Variants in RBMS2 observed in about 807,000 individuals in gnomAD.
RBMS2 encodes RNA-binding motif, single-stranded-interacting protein 2.
A neutral mutation model predicts 58.4 loss-of-function variants in RBMS2; 38 were observed. The observed-to-expected ratio is 0.65, with a 90% CI of 0.50 to 0.85. The LOEUF is 0.85. RBMS2 is among the 40% of genes least tolerant of loss of function. The pLI is 0.00. For synonymous variants in RBMS2, 151 were observed against 180.7 expected, an observed-to-expected ratio of 0.84 and a Z score of 1.32; for missense variants, 367 against 503.7, an observed-to-expected ratio of 0.73 and a Z score of 2.60.
intron 1 of RBMS2, among the ~76,000 whole-genome samples, chr12:56,560,809 T>A (rs913503457): frequency 6.6e-6 from 1 of 152,184 alleles, no homozygotes; most frequent in South Asian, 2.1e-4. Context: ...AGGTTTGTTA[T>A]ACAGGTAATC....
chr12:56,566,362 T>A (rs907382755), intron 2 of RBMS2, among the ~76,000 whole-genome samples: 1 of 152,204 alleles, frequency 6.6e-6, no homozygotes, highest in African/African-American at 2.4e-5. Context: ...GTGATTTCTG[T>A]TCTGTCTCTT....
intron 1 of RBMS2, among the ~76,000 whole-genome samples, chr12:56,532,881 C>A (rs34900037): frequency 6.6e-6 from 1 of 151,852 alleles, no homozygotes; most frequent in Non-Finnish European, 1.5e-5. Flanking sequence ...TCTTCTAGAG[C>A]TAACCACTGT....
chr12:56,582,383 T>C (rs1237572043), intron 9 of RBMS2, among the ~76,000 whole-genome samples: 1 of 152,226 alleles, frequency 6.6e-6, no homozygotes, highest in African/African-American at 2.4e-5. Context: ...AAACTCATGT[T>C]AATGTCCTAC....
At chr12:56,543,294 C>T (rs1196823367) in intron 1 of RBMS2, among the ~76,000 whole-genome samples, 2 of 151,450 alleles carry the variant, frequency 1.3e-5, no homozygotes, top group East Asian at 4.1e-4. Context: ...ACCAGCCTGG[C>T]CAACATGGTG....
intron 12 of RBMS2, 24 bp downstream of exon 12, chr12:56,588,398 G>A (rs781773700): frequency 1.3e-6 from 2 of 1,588,534 alleles, no homozygotes; most frequent in East Asian, 4.5e-5. Flanking sequence ...CATTTCTTTG[G>A]ATTGAGATTA....
At position 56,522,028 on chromosome 12, in the gene RBMS2, T is replaced by C. The variant is rs1331064940; in HGVS notation, c.5T>C (p.Leu2Pro). M[L>P]LSVTSRPGIS... ...TTCCCTAACATTAAAGAGAAAATGC[T>C]GCTATCCGTGACTTCCAGGCCCGGG... is the stretch of plus-strand genomic sequence containing the variant. The change falls in exon 1 of 14, where the codon CTG becomes CCG. Residue 2 changes from leucine to proline, a missense_variant. Physicochemically the swap from Leu to Pro is moderately conservative, Grantham distance 98 (BLOSUM62 -3). This residue lies in a region of RBMS2 where 93 missense variants were observed against 132.2 expected (regional missense o/e 0.70). Coordinates refer to ENST00000262031, the MANE Select transcript of RBMS2 (RefSeq NM_002898.4). 3 of 1,488,846 alleles carry C rather than the reference T, an allele frequency of 2.0e-6. No individual in the cohort carries two copies. Among genetic ancestry groups the C allele is most frequent in the Non-Finnish European group, 2.7e-6 (3 of 1,093,040 alleles). The allele number at this position is 1,488,846 out of a possible 1,614,324, so 92.2% of individuals were successfully genotyped here.
intron 1 of RBMS2, among the ~76,000 whole-genome samples, chr12:56,538,813 A>G (rs1875509915): frequency 1.3e-5 from 2 of 152,068 alleles, no homozygotes; most frequent in Admixed American, 6.6e-5. Context: ...CTTCCAATCC[A>G]TGAGCATGGA....
intron 1 of RBMS2, among the ~76,000 whole-genome samples, chr12:56,537,560 A>G (rs1875146335): frequency 6.6e-6 from 1 of 152,214 alleles, no homozygotes; most frequent in South Asian, 2.1e-4. Flanking sequence ...TTGTATGTAC[A>G]ACATATAGCA....
Position 56,587,580 on chromosome 12 carries a change from C to T in RBMS2, c.978C>T (p.Asp326=), listed in dbSNP as rs138732389. The change falls in exon 11 of 14, where the codon GAC becomes GAT. Residue 326 remains aspartate (D), a synonymous_variant. Transcript: ENST00000262031. ...PSGSVLTPGM[D]HPISLQPASM... is the part of the protein sequence containing the mutation. ...GTTCAGTTCTGACACCAGGGATGGA[C>T]CATCCCATTTCTCTCCAGCCTGCCT... is the stretch of plus-strand genomic sequence containing the variant. The T allele has an allele frequency of 5.1e-5, 83 of 1,613,898 alleles. No homozygotes were observed. Among genetic ancestry groups the T allele is most frequent in the Non-Finnish European group, 6.9e-5 (81 of 1,179,928 alleles).
At chr12:56,557,980 C>G (rs1383416201) in intron 1 of RBMS2, among the ~76,000 whole-genome samples, 1 of 145,834 alleles carries the variant, frequency 6.9e-6, no homozygotes, top group East Asian at 2.1e-4. Context: ...TCAAGTGGAT[C>G]CACCCGCCTC....
chr12:56,581,665 G>A, intron 7 of RBMS2, 157 bp downstream of exon 7: 1 of 1,128,918 alleles, frequency 8.9e-7, no homozygotes, highest in African/African-American at 1.5e-5. Flanking sequence ...TTGTTCTCGA[G>A]TGTGGCTTTG....
chr12:56,536,300 T>C (rs1874816296), intron 1 of RBMS2, among the ~76,000 whole-genome samples: 2 of 151,876 alleles, frequency 1.3e-5, no homozygotes, highest in Admixed American at 1.3e-4. Context: ...AATTTTTGTA[T>C]TTTTGTAGTG....
intron 9 of RBMS2, among the ~76,000 whole-genome samples, chr12:56,584,357 C>T (rs999257537): frequency 1.3e-5 from 2 of 150,034 alleles, no homozygotes; most frequent in East Asian, 1.9e-4. Context: ...TGCTTGAGCC[C>T]GGAGATTGAG....
intron 1 of RBMS2, among the ~76,000 whole-genome samples, chr12:56,522,935 T>C (rs1350972030): frequency 2.0e-5 from 3 of 152,128 alleles, no homozygotes; most frequent in Non-Finnish European, 4.4e-5. Flanking sequence ...TACCCTCTCT[T>C]TGTGTTGTAG....
In RBMS2 at chr12:56,594,351, A is replaced by G. The variant is rs1305726073; in HGVS notation, c.*5218A>G. On this transcript the variant is annotated 3_prime_UTR_variant, in exon 14 of 14. Transcript: ENST00000262031. ...GGCTTTGCATTCTTAGCCAAGGGCA[A>G]TAAACTGGGTGGGTGATCTGGCCCA... 2 of 152,242 alleles carry G rather than the reference A, an allele frequency of 1.3e-5. No homozygotes were observed. The highest frequency in any genetic ancestry group is 4.8e-5 in the African/African-American group (2 of 41,480). 9.4% of individuals were successfully genotyped at this position (152,242 alleles called of 1,614,324 possible).
At position 56,582,538 on chromosome 12, in the gene RBMS2, C is replaced by G. The variant is rs143505898; in HGVS notation, c.873+386C>G. Among the ~76,000 whole-genome samples, 830 of 152,300 alleles carry G rather than the reference C, an allele frequency of 5.4e-3. 10 individuals are homozygous for G. Among genetic ancestry groups the G allele is most frequent in the African/African-American group, 0.019 (802 of 41,564 alleles). On this transcript the variant is annotated intron_variant, in intron 9 of 13. Coordinates refer to ENST00000262031, the MANE Select transcript of RBMS2 (RefSeq NM_002898.4). ...AACAGTATCCTACACCAGTGATTCT[C>G]AAAGTGTGGTCCCTGAACAAGCAGC...
At chr12:56,520,828 G>A (rs1871651757), upstream of RBMS2, among the ~76,000 whole-genome samples, 2 of 152,070 alleles carry the variant, frequency 1.3e-5, no homozygotes, top group African/African-American at 2.4e-5. Flanking sequence ...GTGAGTTACT[G>A]TAATTGTTTC....
chr12:56,562,512 C>T lies in RBMS2; in HGVS notation c.162C>T (p.Ser54=). Residue 54 remains serine, a synonymous_variant, in exon 2 of 14, where the codon AGC becomes AGT. Transcript: ENST00000262031. Reference sequence around the variant, plus strand: ...GAAGCAATGGAAATGACCAGCTGAGCAAAACCAACCTATACATCCGAGGAT... The same window carrying T: ...GAAGCAATGGAAATGACCAGCTGAGTAAAACCAACCTATACATCCGAGGAT... The part of the protein sequence containing the change: ...SSGSNGNDQL[S]KTNLYIRGLQ... The T allele has an allele frequency of 6.2e-7, 1 of 1,610,978 alleles. No individual in the cohort carries two copies. Among genetic ancestry groups the T allele is most frequent in the Non-Finnish European group, 8.5e-7 (1 of 1,177,094 alleles).
chr12:56,572,714 G>A (rs1247088994), intron 5 of RBMS2: 1 of 894,202 alleles, frequency 1.1e-6, no homozygotes, highest in Non-Finnish European at 1.3e-6. Context: ...ACAGGAGTGG[G>A]TGTTAGAGCA....
Sources: gnomAD v4.1 joint callset for allele counts (sites outside exome capture counted in the v4.1 genomes callset) on GRCh38, gnomAD v4.1.1 for gene constraint, gnomAD v4.1.1 regional missense constraint, MANE v1.5 for transcripts, NCBI Gene and HGNC (gene_info 2026-07-23, HGNC 2026-07-21) for gene names.